NET1: variants seen among roughly 807,000 people sequenced by gnomAD.
NET1 encodes neuroepithelial cell transforming 1.
Under a neutral mutation model 61.1 loss-of-function variants are expected in NET1, and 42 were observed. The ratio of observed to expected loss-of-function variants is 0.69; its 90% CI spans 0.54 to 0.89. The LOEUF is 0.89. NET1 is among the 40% of genes least tolerant of loss of function. NET1 has a pLI of 0.00. For synonymous variants in NET1, 254 were observed against 281.8 expected (o/e 0.90, Z 0.99); for missense variants, 654 against 747.3 (o/e 0.88, Z 1.46).
chr10:5,433,499 G>C (rs547128678), intron 3 of NET1, among the ~76,000 whole-genome samples: 11 of 152,204 alleles, frequency 7.2e-5, no homozygotes, highest in African/African-American at 1.9e-4. Context: ...TTCTCAGGCA[G>C]TGTTCATGGT....
intron 3 of NET1, among the ~76,000 whole-genome samples, chr10:5,434,120 T>G (rs539264656): frequency 6.6e-6 from 1 of 152,318 alleles, no homozygotes; most frequent in South Asian, 2.1e-4. Context: ...TGTCGCTCAT[T>G]TTTCAGTGCA....
chr10:5,436,248 A>ATATATAT (rs1564462826), intron 3 of NET1, among the ~76,000 whole-genome samples: 14 of 18,416 alleles, frequency 7.6e-4, no homozygotes, highest in Non-Finnish European at 1.3e-3. Context: ...ATATATATAT[A>ATATATAT]TTTTTTTTTT....
intron 1 of NET1, among the ~76,000 whole-genome samples, chr10:5,413,415 G>A (rs759571831): frequency 1.5e-4 from 23 of 152,140 alleles, no homozygotes; most frequent in Non-Finnish European, 3.4e-4. Flanking sequence ...CCATTTTCGT[G>A]TTTTTTCTTT....
At chr10:5,442,960 C>T (rs976328065) in intron 3 of NET1, among the ~76,000 whole-genome samples, 2 of 152,012 alleles carry the variant, frequency 1.3e-5, no homozygotes, top group Non-Finnish European at 2.9e-5. Context: ...TTACCTACCC[C>T]ATGTCTTGTT....
At position 5,451,503 on chromosome 10, in the gene NET1, C is replaced by CTTT. The variant is rs67989874; in HGVS notation, c.256-321_256-319dup. Among the ~76,000 whole-genome samples, 60 of 131,430 alleles carry CTTT rather than the reference C, an allele frequency of 4.6e-4. No individual in the cohort carries two copies. The highest frequency in any genetic ancestry group is 2.4e-3 in the South Asian group (10 of 4,156). The allele number at this position is 131,430 out of a possible 152,430, so 86.2% of individuals were successfully genotyped here. A position where few individuals can be genotyped will look rare whatever the true frequency, so the allele number is the denominator to read the frequency against. ...TTCGAAAATTTTCATAACAATAAGGCTTTTTTTTAAAAAAAAAAAAAGTTA... is the reference window on the plus strand; with the variant it reads ...TTCGAAAATTTTCATAACAATAAGGCTTTTTTTTTTTAAAAAAAAAAAAAGTTA... On this transcript the variant is annotated intron_variant, in intron 3 of 11. Coordinates refer to ENST00000355029, the MANE Select transcript of NET1 (RefSeq NM_001047160.3). The surrounding 1 kb of genome is among the most constrained non-coding windows in gnomAD (Gnocchi z 6.1).
chr10:5,459,003 A>G lies in NET1; in HGVS notation c.*2009A>G, dbSNP rs1832856440. Among the ~76,000 whole-genome samples, 1 of 152,218 alleles carries G rather than the reference A, an allele frequency of 6.6e-6. No individual in the cohort carries two copies. The highest frequency in any genetic ancestry group is 1.5e-5 in the Non-Finnish European group (1 of 68,044). ...TCTTCTTTTGGTTCCCTCAAAGGTA[A>G]AAATAAGACCCAGAATCTGAGTAAA... On this transcript the variant is annotated 3_prime_UTR_variant, in exon 12 of 12. Coordinates refer to ENST00000355029, the MANE Select transcript of NET1 (RefSeq NM_001047160.3).
rs1832194421 is a variant in NET1 at position 5,422,596 on chromosome 10, G to A, written c.129-4059G>A. 6.6e-6 allele frequency among the ~76,000 whole-genome samples: 1 copy of A among 152,152 alleles called. No homozygotes were observed. The highest frequency in any genetic ancestry group is 6.5e-5 in the Admixed American group (1 of 15,280). On this transcript the variant is annotated intron_variant, in intron 1 of 11. Transcript: ENST00000355029. The surrounding 1 kb of genome is among the most constrained non-coding windows in gnomAD (Gnocchi z 4.1). ...GGGCAAGGCCTGAGAATTAATGCAG[G>A]ACATTAGGATGTCTGGGGTGCTTTG...
rs1426063637 is a variant in NET1, at chr10:5,441,400, G to T, written c.256-10430G>T. Among the ~76,000 whole-genome samples, 3 of 152,230 alleles carry T rather than the reference G, an allele frequency of 2.0e-5. No homozygotes were observed. The highest frequency in any genetic ancestry group is 6.5e-5 in the Admixed American group (1 of 15,286). On this transcript the variant is annotated intron_variant, in intron 3 of 11. Transcript: ENST00000355029. This position sits in a 1 kb window ranked among gnomAD's most constrained non-coding sequence, Gnocchi z 4.6. ...TCAAATTGGGCTGAGAAAACAGGAG[G>T]CTGGGCACAAGACACAATATCCTTT...
chr10:5,457,167 C>T lies in NET1; in HGVS notation c.*173C>T. On this transcript the variant is annotated 3_prime_UTR_variant, in exon 12 of 12. Transcript: ENST00000355029. This position sits in a 1 kb window ranked among gnomAD's most constrained non-coding sequence, Gnocchi z 5.4. ...ATGGCAGCTAAAGATATACAGATTA[C>T]TGTTAAATTGCAGTCCTTTTTTTTT... The T allele has an allele frequency of 2.2e-6, 1 of 454,126 alleles. No homozygotes were observed. Among genetic ancestry groups the T allele is most frequent in the Non-Finnish European group, 3.7e-6 (1 of 273,794 alleles). The allele number at this position is 454,126 out of a possible 1,614,324, so 28.1% of individuals were successfully genotyped here.
rs995110944 is a variant in NET1, at chr10:5,441,603, A to G, written c.256-10227A>G. Among the ~76,000 whole-genome samples, 15 of 152,262 alleles carry G rather than the reference A, an allele frequency of 9.9e-5. No individual in the cohort carries two copies. Among genetic ancestry groups the G allele is most frequent in the African/African-American group, 3.6e-4 (15 of 41,472 alleles). ...CATTTGATTGGCTATTTGTGTTGTC[A>G]TCGCACAAAAGAACCATTGTTTTGA... On this transcript the variant is annotated intron_variant, in intron 3 of 11. Transcript: ENST00000355029. The surrounding 1 kb of genome is among the most constrained non-coding windows in gnomAD (Gnocchi z 4.6).
chr10:5,447,000 G>A lies in NET1; in HGVS notation c.256-4830G>A, dbSNP rs1482628246. 5.3e-6 allele frequency: 3 copies of A among 567,046 alleles called. No homozygotes were observed. In the African/African-American group the frequency reaches 5.7e-5, roughly 11 times the overall value. The allele number at this position is 567,046 out of a possible 1,614,324, so 35.1% of individuals were successfully genotyped here. On this transcript the variant is annotated intron_variant, in intron 3 of 11. Coordinates refer to ENST00000355029, the MANE Select transcript of NET1 (RefSeq NM_001047160.3). The surrounding 1 kb of genome is among the most constrained non-coding windows in gnomAD (Gnocchi z 5.0). ...ATGTATGTTCTTGATTTATGTGCAA[G>A]CTTGAAATGTGTTTAGGGACTGTGG...
Position 5,427,529 on chromosome 10 carries a change from A to G in NET1, c.195+808A>G, listed in dbSNP as rs1191439328. Among the ~76,000 whole-genome samples the G allele has an allele frequency of 6.6e-6, 1 of 152,116 alleles. No individual in the cohort carries two copies. The highest frequency in any genetic ancestry group is 1.5e-5 in the Non-Finnish European group (1 of 68,016). On this transcript the variant is annotated intron_variant, in intron 2 of 11. Transcript: ENST00000355029. The surrounding 1 kb of genome is among the most constrained non-coding windows in gnomAD (Gnocchi z 4.1). ...TTTGCTCATATCATTAATATACACA[A>G]AGAGGCTCACAGATAAATACACAAG...
At position 5,440,006 on chromosome 10, in the gene NET1, G is replaced by A. The variant is rs1269939356; in HGVS notation, c.255+10777G>A. 2.0e-5 allele frequency among the ~76,000 whole-genome samples: 3 copies of A among 152,178 alleles called. No individual in the cohort carries two copies. The highest frequency in any genetic ancestry group is 7.2e-5 in the African/African-American group (3 of 41,430). ...GCAACACCTGTCCTTTCCTGTAGCG[G>A]GGAGATCCCAGAAAGCCTCAGGCCG... On this transcript the variant is annotated intron_variant, in intron 3 of 11. Coordinates refer to ENST00000355029, the MANE Select transcript of NET1 (RefSeq NM_001047160.3). The surrounding 1 kb of genome is among the most constrained non-coding windows in gnomAD (Gnocchi z 4.1).
Position 5,416,519 on chromosome 10 carries a change from C to A in NET1, c.128+3699C>A, listed in dbSNP as rs1287004030. On this transcript the variant is annotated intron_variant, in intron 1 of 11. Transcript: ENST00000355029. The surrounding 1 kb of genome is among the most constrained non-coding windows in gnomAD (Gnocchi z 6.1). Reference sequence around the variant, plus strand: ...TGCCCTCTACAGAGAGTTAAGTAGTCTGATCCATGGACAAGGGATGTTTTT... The same window carrying A: ...TGCCCTCTACAGAGAGTTAAGTAGTATGATCCATGGACAAGGGATGTTTTT... Among the ~76,000 whole-genome samples, 1 of 152,198 alleles carries A rather than the reference C, an allele frequency of 6.6e-6. No homozygotes were observed. Among genetic ancestry groups the A allele is most frequent in the African/African-American group, 2.4e-5 (1 of 41,444 alleles).
Position 5,441,344 on chromosome 10 carries a change from C to T in NET1, c.256-10486C>T, listed in dbSNP as rs1224865390. Among the ~76,000 whole-genome samples the T allele has an allele frequency of 6.6e-6, 1 of 152,236 alleles. No individual in the cohort carries two copies. The highest frequency in any genetic ancestry group is 2.4e-5 in the African/African-American group (1 of 41,464). ...GCTGAGGCAAGGGACTGTGGGGTCACTCCTGTGGGGAGCCAGTTGCTATGG... is the reference window on the plus strand; with the variant it reads ...GCTGAGGCAAGGGACTGTGGGGTCATTCCTGTGGGGAGCCAGTTGCTATGG... On this transcript the variant is annotated intron_variant, in intron 3 of 11. Coordinates refer to ENST00000355029, the MANE Select transcript of NET1 (RefSeq NM_001047160.3). The surrounding 1 kb of genome is among the most constrained non-coding windows in gnomAD (Gnocchi z 4.6).
Position 5,453,072 on chromosome 10 carries a change from C to A in NET1, c.594+152C>A. 1.4e-6 allele frequency: 1 copy of A among 705,698 alleles called. No individual in the cohort carries two copies. Among genetic ancestry groups the A allele is most frequent in the East Asian group, 2.6e-5 (1 of 39,164 alleles). 43.7% of individuals were successfully genotyped at this position (705,698 alleles called of 1,614,324 possible). ...TTTAGGTGAGGTCTAGACACATCCTCAAATACAAGTATTAGTAAGAGAGTT... is the reference window on the plus strand; with the variant it reads ...TTTAGGTGAGGTCTAGACACATCCTAAAATACAAGTATTAGTAAGAGAGTT... On this transcript the variant is annotated intron_variant, in intron 6 of 11. Coordinates refer to ENST00000355029, the MANE Select transcript of NET1 (RefSeq NM_001047160.3). This position sits in a 1 kb window ranked among gnomAD's most constrained non-coding sequence, Gnocchi z 4.9.
rs949678337 is a variant in NET1, at chr10:5,446,662, G to A, written c.256-5168G>A. On this transcript the variant is annotated intron_variant, in intron 3 of 11. Transcript: ENST00000355029. The surrounding 1 kb of genome is among the most constrained non-coding windows in gnomAD (Gnocchi z 5.0). The stretch of plus-strand genomic sequence containing the variant: ...GCATGGGCACGTGGCTGCCGAGGGT[G>A]GCCGAGCTCTGGGAAGAAAAGCCCG... 43 of 1,327,662 alleles carry A rather than the reference G, an allele frequency of 3.2e-5. No individual in the cohort carries two copies. The African/African-American group carries it at 5.4e-4, about 17-fold the overall frequency. 82.2% of individuals were successfully genotyped at this position (1,327,662 alleles called of 1,614,324 possible).
Position 5,446,679 on chromosome 10 carries a change from A to G in NET1, c.256-5151A>G, listed in dbSNP as rs999552223. ...CCGAGGGTGGCCGAGCTCTGGGAAG[A>G]AAAGCCCGTGTGCCTCTGCATAGCG... On this transcript the variant is annotated intron_variant, in intron 3 of 11. Transcript: ENST00000355029. The surrounding 1 kb of genome is among the most constrained non-coding windows in gnomAD (Gnocchi z 5.0). 1.9e-5 allele frequency: 26 copies of G among 1,367,872 alleles called. No individual in the cohort carries two copies. The highest frequency in any genetic ancestry group is 2.4e-5 in the Non-Finnish European group (25 of 1,048,590). 84.7% of individuals were successfully genotyped at this position (1,367,872 alleles called of 1,614,324 possible).
Position 5,427,740 on chromosome 10 carries a change from T to A in NET1, c.195+1019T>A, listed in dbSNP as rs1292516559. Among the ~76,000 whole-genome samples the A allele has an allele frequency of 6.6e-6, 1 of 152,208 alleles. No individual in the cohort carries two copies. Among genetic ancestry groups the A allele is most frequent in the Admixed American group, 6.5e-5 (1 of 15,280 alleles). The stretch of plus-strand genomic sequence containing the variant: ...TGTCTTTTAGCTCAATTCAAAACAG[T>A]GTGTTATAATTTTGCTCTGCTGCTT... On this transcript the variant is annotated intron_variant, in intron 2 of 11. Transcript: ENST00000355029. This position sits in a 1 kb window ranked among gnomAD's most constrained non-coding sequence, Gnocchi z 4.1.
Sources: gnomAD v4.1 joint callset for allele counts (sites outside exome capture counted in the v4.1 genomes callset) on GRCh38, gnomAD v4.1.1 for gene constraint, Gnocchi (gnomAD v3.1) non-coding constraint, MANE v1.5 for transcripts, NCBI Gene and HGNC (gene_info 2026-07-23, HGNC 2026-07-21) for gene names.